GNGT1: variants seen among roughly 807,000 people sequenced by gnomAD.
The protein encoded by GNGT1 is guanine nucleotide-binding protein G(T) subunit gamma-T1.
In GNGT1, 4 loss-of-function variants were observed where a neutral mutation model predicts 7.4. The ratio of observed to expected loss-of-function variants is 0.54; its 90% confidence interval spans 0.27 to 1.24. The LOEUF (loss-of-function observed/expected upper bound fraction) is 1.24. GNGT1 is among the 50% of genes most tolerant of loss of function. The probability of loss-of-function intolerance (pLI) is 0.12; values close to 1 mark genes in which losing one functional copy is unlikely to be tolerated. For synonymous variants in GNGT1, 37 were observed against 30.2 expected, an observed-to-expected ratio of 1.23 and a Z score of -0.74; for missense variants, 95 against 82.4, an observed-to-expected ratio of 1.15 and a Z score of -0.59.
chr7:93,910,813 A>AAG lies in GNGT1; in HGVS notation c.124_125dup (p.Asp42GlufsTer14). The AAG allele has an allele frequency of 1.2e-6, 2 of 1,605,006 alleles. No individual in the cohort carries two copies. Among genetic ancestry groups the AAG allele is most frequent in the African/African-American group, 1.3e-5 (1 of 74,838 alleles). On this transcript the variant is annotated frameshift_variant, in exon 3 of 3. Coordinates refer to ENST00000248572, the MANE Select transcript of GNGT1 (RefSeq NM_021955.5). LOFTEE classifies it high-confidence loss of function. ...AGGTTTCCAAATGTTGTGAAGAAGT[A>AAG]AGAGATTACGTTGAAGAACGATCTG...
intron 2 of GNGT1, 137 bp from the exon 3 acceptor site, chr7:93,910,653 A>C (rs777061432): frequency 3.9e-6 from 2 of 511,230 alleles, no homozygotes; most frequent in Non-Finnish European, 6.8e-6. Context: ...CTACAAAGTA[A>C]ATATGCATTG....
chr7:93,906,967 CA>C, intron 2 of GNGT1, 125 bp downstream of exon 2: 1 of 512,436 alleles, frequency 2.0e-6, no homozygotes, highest in Non-Finnish European at 3.4e-6. Flanking sequence ...AAAAATTTAT[CA>C]AAGATTAAGA....
At chr7:93,910,189 T>C (rs1385479610) in intron 2 of GNGT1, 2 of 152,088 alleles carry the variant, frequency 1.3e-5, no homozygotes, top group Admixed American at 6.5e-5. Context: ...CATGAATAAT[T>C]CAGTCCAGCA....
At position 93,910,818 on chromosome 7, in the gene GNGT1, A is replaced by G. The variant is rs1200363247; in HGVS notation, c.125A>G (p.Asp42Gly). 1 of 1,605,052 alleles carries G rather than the reference A, an allele frequency of 6.2e-7. No homozygotes were observed. Among genetic ancestry groups the G allele is most frequent in the African/African-American group, 1.3e-5 (1 of 74,700 alleles). ...LVSKCCEEVRDYVEERSGEDP... is the reference protein window; with the variant it reads ...LVSKCCEEVRGYVEERSGEDP... ...TCCAAATGTTGTGAAGAAGTAAGAGATTACGTTGAAGAACGATCTGGCGAG... is the reference window on the plus strand; with the variant it reads ...TCCAAATGTTGTGAAGAAGTAAGAGGTTACGTTGAAGAACGATCTGGCGAG... Residue 42 changes from aspartate to glycine, a missense_variant, in exon 3 of 3, where the codon GAT becomes GGT. Asp to Gly is a moderately conservative substitution (Grantham distance 94). Coordinates refer to ENST00000248572, the MANE Select transcript of GNGT1 (RefSeq NM_021955.5).
At chr7:93,908,636 A>G (rs975966017) in intron 2 of GNGT1, among the ~76,000 whole-genome samples, 1 of 151,522 alleles carries the variant, frequency 6.6e-6, no homozygotes, top group Non-Finnish European at 1.5e-5. Flanking sequence ...TATGTAATAT[A>G]TAGAAATATT....
chr7:93,911,108 G>C lies in GNGT1; in HGVS notation c.*190G>C, dbSNP rs1357669786. The C allele has an allele frequency of 8.9e-6, 3 of 337,280 alleles. No individual in the cohort carries two copies. Among genetic ancestry groups the C allele is most frequent in the Non-Finnish European group, 1.6e-5 (3 of 184,140 alleles). 20.9% of individuals were successfully genotyped at this position (337,280 alleles called of 1,614,324 possible). ...TTCTATGTTTTTCTTAACATAGCTG[G>C]CACAGGGTTTAACACATAATTGCCA... On this transcript the variant is annotated 3_prime_UTR_variant, in exon 3 of 3. Coordinates refer to ENST00000248572, the MANE Select transcript of GNGT1 (RefSeq NM_021955.5).
At chr7:93,909,865 A>T (rs1346885397) in intron 2 of GNGT1, 4 of 186,784 alleles carry the variant, frequency 2.1e-5, no homozygotes, top group Admixed American at 6.0e-5. Context: ...AAAAACAGTA[A>T]ATTGGTTAAA....
Position 93,906,843 on chromosome 7 carries a change from G to GT in GNGT1, c.96+2dup. 6.5e-7 allele frequency: 1 copy of GT among 1,536,018 alleles called. No homozygotes were observed. Among genetic ancestry groups the GT allele is most frequent in the Non-Finnish European group, 8.9e-7 (1 of 1,120,220 alleles). ...AGAAGTGACACTGGAAAGAATGCTAGTAAGTTGCTGCTTTCTTTAGTATTT... is the reference window on the plus strand; with the variant it reads ...AGAAGTGACACTGGAAAGAATGCTAGTTAAGTTGCTGCTTTCTTTAGTATTT... On this transcript the variant is annotated splice_donor_variant, in intron 2 of 2. Transcript: ENST00000248572. LOFTEE classifies it high-confidence loss of function.
At chr7:93,909,964 A>G (rs1584091623) in intron 2 of GNGT1, 2 of 155,022 alleles carry the variant, frequency 1.3e-5, no homozygotes, top group Admixed American at 1.3e-4. Flanking sequence ...GAAAACAAAC[A>G]AGTTGAAGCT....
chr7:93,906,993 TCA>T, intron 2 of GNGT1, 151 bp downstream of exon 2: 1 of 339,708 alleles, frequency 2.9e-6, no homozygotes, highest in Non-Finnish European at 5.3e-6. Flanking sequence ...TGATAATCAA[TCA>T]TAACTATCTC....
intron 2 of GNGT1, among the ~76,000 whole-genome samples, chr7:93,907,796 T>G (rs1159944869): frequency 6.6e-6 from 1 of 152,214 alleles, no homozygotes; most frequent in Non-Finnish European, 1.5e-5. Context: ...ACTGGGATTT[T>G]GGGCTTCGTC....
chr7:93,907,274 G>A (rs1175825311), intron 2 of GNGT1, among the ~76,000 whole-genome samples: 8 of 151,952 alleles, frequency 5.3e-5, no homozygotes, highest in African/African-American at 9.7e-5. Flanking sequence ...ATAAATATAC[G>A]CATGCAATAA....
At chr7:93,909,408 C>T (rs1794426229) in intron 2 of GNGT1, 1 of 674,840 alleles carries the variant, frequency 1.5e-6, no homozygotes, top group African/African-American at 1.8e-5. Flanking sequence ...TTAAGCATCA[C>T]TGAAATAATT....
At chr7:93,910,735 T>C in intron 2 of GNGT1, 55 bp from the exon 3 acceptor site, 2 of 1,284,056 alleles carry the variant, frequency 1.6e-6, no homozygotes, top group Non-Finnish European at 2.2e-6. Context: ...ATTCCTGGCA[T>C]CTGGAGTATT....
intron 2 of GNGT1, among the ~76,000 whole-genome samples, chr7:93,907,048 C>T (rs920897810): frequency 6.6e-6 from 1 of 151,858 alleles, no homozygotes; most frequent in Non-Finnish European, 1.5e-5. Flanking sequence ...AACCATTTTC[C>T]TCTGGCCAAG....
intron 2 of GNGT1, among the ~76,000 whole-genome samples, chr7:93,908,308 T>C (rs1192801880): frequency 6.6e-6 from 1 of 152,156 alleles, no homozygotes; most frequent in Non-Finnish European, 1.5e-5. Flanking sequence ...CTCAGGGTGC[T>C]GTACCAGAGT....
intron 2 of GNGT1, among the ~76,000 whole-genome samples, chr7:93,908,313 C>A (rs758696066): frequency 2.0e-5 from 3 of 151,928 alleles, no homozygotes; most frequent in African/African-American, 7.3e-5. Flanking sequence ...GGTGCTGTAC[C>A]AGAGTATCAT....
chr7:93,910,472 G>A (rs554156723), intron 2 of GNGT1: 1 of 162,116 alleles, frequency 6.2e-6, no homozygotes, highest in South Asian at 2.0e-4. Context: ...TATGAACTCT[G>A]GTGACACCCT....
At chr7:93,907,689 T>A (rs1261412902) in intron 2 of GNGT1, among the ~76,000 whole-genome samples, 3 of 152,172 alleles carry the variant, frequency 2.0e-5, no homozygotes, top group African/African-American at 4.8e-5. Context: ...GTAACAGCAA[T>A]CTCATAATTT....
Sources: gnomAD v4.1 joint callset for allele counts (sites outside exome capture counted in the v4.1 genomes callset) on GRCh38, gnomAD v4.1.1 for gene constraint, MANE v1.5 for transcripts, NCBI Gene and HGNC (gene_info 2026-07-23, HGNC 2026-07-21) for gene names.